The following ZC3H12B variants were observed in gnomAD, a reference collection of about 807,000 sequenced individuals.
ZC3H12B encodes the protein probable ribonuclease ZC3H12B.
In ZC3H12B, 7 loss-of-function variants were observed where a neutral mutation model predicts 43.9. That is an observed-to-expected ratio of 0.16 (90% CI 0.09 to 0.30). ZC3H12B has a LOEUF of 0.30. ZC3H12B is among the 10% of genes least tolerant of loss of function. The probability of loss-of-function intolerance (pLI) is 1.00; values close to 1 mark genes in which losing one functional copy is unlikely to be tolerated. For missense variants in ZC3H12B, 475 were observed against 670.2 expected (o/e 0.71, Z 3.22); for synonymous variants, 222 against 241.7 (o/e 0.92, Z 0.76).
the ZC3H12B span, among the ~76,000 whole-genome samples, chrX:65,292,155 A>G: frequency 8.9e-6 from 1 of 112,110 alleles, no homozygotes; most frequent in Non-Finnish European, 1.9e-5. Context: ...CTGGACTACC[A>G]AATCAGTCGG....
At chrX:65,448,680 G>A (rs1432621153) in intron 3 of ZC3H12B, among the ~76,000 whole-genome samples, 1 of 109,687 alleles carries the variant, frequency 9.1e-6, no homozygotes, top group Admixed American at 9.9e-5. Flanking sequence ...AGCTGGACGT[G>A]GTGGCACATG....
At chrX:65,218,828 C>G in the ZC3H12B span, among the ~76,000 whole-genome samples, 1 of 111,688 alleles carries the variant, frequency 9.0e-6, no homozygotes, top group South Asian at 3.7e-4. Flanking sequence ...CTGATGCACT[C>G]TTGAAAGTGC....
chrX:65,153,517 A>C, the ZC3H12B span, among the ~76,000 whole-genome samples: 3 of 112,596 alleles, frequency 2.7e-5, no homozygotes, highest in African/African-American at 9.7e-5. Flanking sequence ...ATGCAAATCA[A>C]AACCACAATG....
At chrX:65,094,918 C>A in the ZC3H12B span, among the ~76,000 whole-genome samples, 1 of 111,463 alleles carries the variant, frequency 9.0e-6, no homozygotes, top group South Asian at 3.8e-4. Flanking sequence ...TGGAATTGAA[C>A]CTAAAGGAAC....
chrX:65,194,144 G>C, the ZC3H12B span, among the ~76,000 whole-genome samples: 133 of 107,244 alleles, frequency 1.2e-3, no homozygotes, highest in African/African-American at 4.3e-3. Flanking sequence ...AATTTGACAT[G>C]AGATTTGGGC....
chrX:65,156,111 C>G, the ZC3H12B span, among the ~76,000 whole-genome samples: 5 of 111,314 alleles, frequency 4.5e-5, no homozygotes, highest in South Asian at 1.9e-3. Context: ...ATAGTATCCT[C>G]TTAGTATCTT....
At chrX:65,114,978 G>T in the ZC3H12B span, among the ~76,000 whole-genome samples, 1 of 38,976 alleles carries the variant, frequency 2.6e-5, no homozygotes, top group Admixed American at 3.4e-4. Flanking sequence ...TATTTTTTAC[G>T]TTAAAAAGTT....
the ZC3H12B span, among the ~76,000 whole-genome samples, chrX:65,258,774 T>C: frequency 1.8e-5 from 2 of 111,120 alleles, no homozygotes; most frequent in African/African-American, 3.3e-5. Context: ...ACACCAACAA[T>C]ATGCAAGATG....
intron 2 of ZC3H12B, among the ~76,000 whole-genome samples, chrX:65,379,151 G>A (rs1466358156): frequency 1.8e-5 from 2 of 112,137 alleles, no homozygotes; most frequent in East Asian, 2.8e-4. Flanking sequence ...CACCTCTGGG[G>A]GAGGGCACAG....
At chrX:65,064,295 A>G in the ZC3H12B span, among the ~76,000 whole-genome samples, 133 of 111,999 alleles carry the variant, frequency 1.2e-3, no homozygotes, top group Non-Finnish European at 2.1e-3. Flanking sequence ...ATTTAATGCT[A>G]TAAGTTTCCC....
chrX:65,180,488 A>T, the ZC3H12B span, among the ~76,000 whole-genome samples: 35 of 111,709 alleles, frequency 3.1e-4, no homozygotes, highest in Middle Eastern at 4.6e-3. Context: ...CTGTTTGAAG[A>T]TGACATGATT....
chrX:65,148,738 G>T, the ZC3H12B span, among the ~76,000 whole-genome samples: 12 of 111,707 alleles, frequency 1.1e-4, no homozygotes, highest in African/African-American at 3.9e-4. Context: ...CCCTTTTATT[G>T]CATCTTTTCT....
At chrX:65,288,606 A>G in the ZC3H12B span, among the ~76,000 whole-genome samples, 5 of 111,861 alleles carry the variant, frequency 4.5e-5, no homozygotes, top group East Asian at 1.4e-3. Context: ...TTTCAACAAA[A>G]AGCCATATAT....
At chrX:65,291,660 G>A in the ZC3H12B span, among the ~76,000 whole-genome samples, 1 of 111,921 alleles carries the variant, frequency 8.9e-6, no homozygotes, top group African/African-American at 3.2e-5. Flanking sequence ...AGAATGGGTA[G>A]TTGTTATTCT....
chrX:65,164,255 A>G, the ZC3H12B span, among the ~76,000 whole-genome samples: 1 of 111,178 alleles, frequency 9.0e-6, no homozygotes, highest in Non-Finnish European at 1.9e-5. Flanking sequence ...AGGGGGTCAA[A>G]GATGTCTTTT....
chrX:65,084,051 T>A, the ZC3H12B span, among the ~76,000 whole-genome samples: 1 of 111,492 alleles, frequency 9.0e-6, no homozygotes, highest in Non-Finnish European at 1.9e-5. Flanking sequence ...AAACCGGATA[T>A]CCATATGCAG....
At position 65,481,005 on chromosome X, in the gene ZC3H12B, C is replaced by G. The variant is rs1288267590; in HGVS notation, n.408-7641C>G. Reference sequence around the variant, plus strand: ...TCTTGCTTTTAGTAGAGTTCACAATCTAGTTGGGGAGAGAAACAAACGTTA... The same window carrying G: ...TCTTGCTTTTAGTAGAGTTCACAATGTAGTTGGGGAGAGAAACAAACGTTA... On this transcript the variant is annotated intron_variant and non_coding_transcript_variant, in intron 3 of 5. Transcript: ENST00000617377. Among the ~76,000 whole-genome samples the G allele has an allele frequency of 1.6e-4, 18 of 111,537 alleles. No individual in the cohort carries two copies. In the Admixed American group the frequency reaches 1.7e-3, roughly 11 times the overall value.
chrX:65,271,404 C>G, the ZC3H12B span: 6 of 112,604 alleles, frequency 5.3e-5, no homozygotes, highest in African/African-American at 1.9e-4. Context: ...ATTCAGCATT[C>G]CAGTTTAATT....
chrX:65,089,004 G>T, the ZC3H12B span, among the ~76,000 whole-genome samples: 1 of 111,829 alleles, frequency 8.9e-6, no homozygotes, highest in Non-Finnish European at 1.9e-5. Context: ...ATTTAGAACA[G>T]TTCCTGGCAT....
Sources: allele counts gnomAD v4.1 joint callset (sites outside exome capture counted in the v4.1 genomes callset), GRCh38; gene constraint gnomAD v4.1.1; transcripts MANE v1.5; gene names NCBI Gene and HGNC (gene_info 2026-07-23, HGNC 2026-07-21).